The following PAWR variants were observed in gnomAD, a reference collection of about 807,000 sequenced individuals.
PAWR encodes the protein PRKC apoptosis WT1 regulator protein.
In PAWR, 23 loss-of-function variants were observed where a neutral mutation model predicts 32.0. The ratio of observed to expected loss-of-function variants is 0.72; its 90% CI spans 0.52 to 1.02. PAWR has a LOEUF of 1.02. Among genes scored for constraint, PAWR ranks in the 50% least tolerant of loss-of-function variants. PAWR has a pLI of 0.00. For missense variants in PAWR, 457 were observed against 437.7 expected, an observed-to-expected ratio of 1.04 and a Z score of -0.39; for synonymous variants, 226 against 187.1, an observed-to-expected ratio of 1.21 and a Z score of -1.70.
rs952142598 is a variant in PAWR at position 79,585,309 on chromosome 12, A to C, written c.*7298T>G. The C allele has an allele frequency of 2.5e-5, 7 of 277,176 alleles. No homozygotes were observed. The highest frequency in any genetic ancestry group is 1.4e-5 in the Non-Finnish European group (2 of 143,058). 17.2% of individuals were successfully genotyped at this position (277,176 alleles called of 1,614,324 possible). On this transcript the variant is annotated 3_prime_UTR_variant, in exon 7 of 7. Transcript: ENST00000328827. ...AAAATTACATGAAGCGCTTGTTAAA[A>C]CAGATTGAGCCCCATCTGCAAAGTT...
chr12:79,604,218 C>G, intron 4 of PAWR: 1 of 981,240 alleles, frequency 1.0e-6, no homozygotes, highest in South Asian at 4.7e-5. Flanking sequence ...TAACATAAAT[C>G]TCTAATACGA....
chr12:79,611,090 G>A (rs984863795), intron 4 of PAWR, among the ~76,000 whole-genome samples: 3 of 148,358 alleles, frequency 2.0e-5, no homozygotes, highest in African/African-American at 7.4e-5. Context: ...TGAATCTTCT[G>A]GGTGTTTGAA....
chr12:79,670,871 T>C (rs569297984), intron 2 of PAWR, among the ~76,000 whole-genome samples: 4 of 151,110 alleles, frequency 2.6e-5, no homozygotes, highest in African/African-American at 9.7e-5. Flanking sequence ...CACTTTTTTT[T>C]TAGGGGTTTT....
intron 2 of PAWR, among the ~76,000 whole-genome samples, chr12:79,632,335 A>G (rs1315171224): frequency 8.1e-5 from 4 of 49,398 alleles, no homozygotes; most frequent in East Asian, 1.3e-3. Flanking sequence ...ATATATATAT[A>G]TATATATATA....
intron 2 of PAWR, among the ~76,000 whole-genome samples, chr12:79,652,268 A>G (rs1876886557): frequency 6.6e-6 from 1 of 152,224 alleles, no homozygotes; most frequent in African/African-American, 2.4e-5. Context: ...ATATGTTACC[A>G]CATTAATAAA....
chr12:79,663,604 CA>C (rs1877453092), intron 2 of PAWR, among the ~76,000 whole-genome samples: 1 of 151,936 alleles, frequency 6.6e-6, no homozygotes, highest in South Asian at 2.1e-4. Flanking sequence ...CTAAAAAATA[CA>C]AAAAATTAGC....
intron 2 of PAWR, among the ~76,000 whole-genome samples, chr12:79,638,610 A>G (rs939715748): frequency 4.0e-5 from 6 of 151,612 alleles, no homozygotes; most frequent in Non-Finnish European, 8.8e-5. Context: ...TTCTACTTTG[A>G]TAACAGCCAA....
chr12:79,597,652 T>C (rs1345228767), intron 4 of PAWR, among the ~76,000 whole-genome samples: 3 of 152,220 alleles, frequency 2.0e-5, no homozygotes, highest in Admixed American at 6.5e-5. Context: ...TGTTATGCCA[T>C]AATTCTAACT....
chr12:79,677,402 T>C (rs989221159), intron 2 of PAWR, among the ~76,000 whole-genome samples: 1 of 152,068 alleles, frequency 6.6e-6, no homozygotes, highest in Admixed American at 6.6e-5. Flanking sequence ...AAAATGATTA[T>C]GAAACAAAAG....
At chr12:79,592,770 A>T (rs545978516) in intron 6 of PAWR, 77 bp from the exon 7 acceptor site, 99 of 601,558 alleles carry the variant, frequency 1.6e-4, no homozygotes, top group African/African-American at 1.6e-3. Flanking sequence ...TACACATTAA[A>T]AATAATTCAT....
intron 2 of PAWR, among the ~76,000 whole-genome samples, chr12:79,636,942 A>G (rs1875989201): frequency 6.6e-6 from 1 of 152,180 alleles, no homozygotes; most frequent in Non-Finnish European, 1.5e-5. Flanking sequence ...ACACTCCTCA[A>G]CAAGGCTCTA....
chr12:79,611,247 ATATT>A (rs1372434399), intron 4 of PAWR, among the ~76,000 whole-genome samples: 2 of 146,494 alleles, frequency 1.4e-5, no homozygotes, highest in Non-Finnish European at 3.0e-5. Flanking sequence ...TATACAGTAT[ATATT>A]ATATATATTT....
At chr12:79,654,289 T>C (rs995639612) in intron 2 of PAWR, among the ~76,000 whole-genome samples, 6 of 152,184 alleles carry the variant, frequency 3.9e-5, no homozygotes, top group African/African-American at 1.4e-4. Flanking sequence ...GTCAATCTAA[T>C]GGTTATAGTG....
intron 3 of PAWR, among the ~76,000 whole-genome samples, chr12:79,613,934 TATATATATATATATATATATA>T (rs1874559097): frequency 2.5e-4 from 1 of 3,984 alleles, no homozygotes; most frequent in African/African-American, 5.3e-4. Flanking sequence ...ACCACCATTA[TATATATATATATATATATATA>T]TATATATATA....
Position 79,588,086 on chromosome 12 carries a change from T to C in PAWR, c.*4521A>G, listed in dbSNP as rs1044186780. The C allele has an allele frequency of 6.6e-6, 1 of 151,980 alleles. No individual in the cohort carries two copies. Among genetic ancestry groups the C allele is most frequent in the African/African-American group, 2.4e-5 (1 of 41,436 alleles). The allele number at this position is 151,980 out of a possible 1,614,324, so 9.4% of individuals were successfully genotyped here. ...ATAAGAATAAAAACCCTGAATAGCATAGCCAAATCTTCCAAGAAATAAGTT... is the reference window on the plus strand; with the variant it reads ...ATAAGAATAAAAACCCTGAATAGCACAGCCAAATCTTCCAAGAAATAAGTT... On this transcript the variant is annotated 3_prime_UTR_variant, in exon 7 of 7. Coordinates refer to ENST00000328827, the MANE Select transcript of PAWR (RefSeq NM_002583.4).
At chr12:79,678,952 C>T (rs180798598) in intron 2 of PAWR, among the ~76,000 whole-genome samples, 18 of 149,018 alleles carry the variant, frequency 1.2e-4, no homozygotes, top group Admixed American at 8.9e-4. Context: ...GGCTGAAGTG[C>T]AGTGGCATTA....
chr12:79,656,376 G>C (rs889611741), intron 2 of PAWR, among the ~76,000 whole-genome samples: 1 of 152,152 alleles, frequency 6.6e-6, no homozygotes, highest in African/African-American at 2.4e-5. Context: ...TGGGAGAGAA[G>C]TAGATGAATC....
chr12:79,630,928 A>C (rs1048110749), intron 2 of PAWR, among the ~76,000 whole-genome samples: 2 of 152,096 alleles, frequency 1.3e-5, no homozygotes, highest in Non-Finnish European at 2.9e-5. Context: ...ACAGACAAAA[A>C]GGCCTTTGCA....
At chr12:79,657,517 C>T (rs979623052) in intron 2 of PAWR, among the ~76,000 whole-genome samples, 3 of 152,018 alleles carry the variant, frequency 2.0e-5, no homozygotes, top group Admixed American at 6.5e-5. Context: ...AGAAGGGCCG[C>T]GCGGTGGCTC....
Sources: allele counts gnomAD v4.1 joint callset (sites outside exome capture counted in the v4.1 genomes callset), GRCh38; gene constraint gnomAD v4.1.1; transcripts MANE v1.5; gene names NCBI Gene and HGNC (gene_info 2026-07-23, HGNC 2026-07-21).